SNTG1: variants seen among roughly 807,000 people sequenced by gnomAD.
The protein encoded by SNTG1 is syntrophin gamma 1, also known as gamma-1-syntrophin.
Under a neutral mutation model 74.7 loss-of-function variants are expected in SNTG1, and 39 were observed. The observed-to-expected ratio is 0.52, with a 90% CI of 0.40 to 0.68. The LOEUF (loss-of-function observed/expected upper bound fraction) is 0.68. Ranked by LOEUF, SNTG1 falls within the 30% of genes least tolerant of loss-of-function variation. The pLI, the probability that SNTG1 is intolerant of heterozygous loss-of-function variation, is 0.00. For synonymous variants in SNTG1, 254 were observed against 217.1 expected (o/e 1.17, Z -1.49); for missense variants, 685 against 609.5 (o/e 1.12, Z -1.30).
At chr8:50,164,092 C>CTTTTTTTTTTTTTTTTTT (rs3086088) in intron 1 of SNTG1, 22 of 71,998 alleles carry the variant, frequency 3.1e-4, no homozygotes, top group African/African-American at 7.7e-4. Flanking sequence ...GACACAATTT[C>CTTTTTTTTTTTTTTTTTT]TTTTTTTTTT....
chr8:50,761,515 G>A (rs528814368), intron 18 of SNTG1, among the ~76,000 whole-genome samples: 1 of 151,878 alleles, frequency 6.6e-6, no homozygotes, highest in South Asian at 2.1e-4. Flanking sequence ...GGTGAGTTAG[G>A]CTCTGATAAA....
At chr8:50,551,053 C>A (rs186087649) in intron 11 of SNTG1, among the ~76,000 whole-genome samples, 3 of 152,098 alleles carry the variant, frequency 2.0e-5, no homozygotes, top group East Asian at 3.9e-4. Flanking sequence ...ACCAATTATT[C>A]AGAAAATACT....
chr8:50,090,348 C>A (rs2079676240), intron 1 of SNTG1, among the ~76,000 whole-genome samples: 1 of 152,146 alleles, frequency 6.6e-6, no homozygotes, highest in South Asian at 2.1e-4. Flanking sequence ...ACTCAGAAGA[C>A]ATCCCTGGAT....
At chr8:50,249,461 C>T (rs963250466) in intron 2 of SNTG1, among the ~76,000 whole-genome samples, 2 of 152,330 alleles carry the variant, frequency 1.3e-5, no homozygotes, top group East Asian at 3.9e-4. Flanking sequence ...CTGCCCCTAG[C>T]TTGACAGCTT....
chr8:50,593,217 A>G (rs1299732594), intron 13 of SNTG1, among the ~76,000 whole-genome samples: 2 of 152,180 alleles, frequency 1.3e-5, no homozygotes, highest in Non-Finnish European at 2.9e-5. Flanking sequence ...AGAAATTAAA[A>G]TGAAAGCAAA....
chr8:50,510,713 A>T (rs2094062907), intron 9 of SNTG1, among the ~76,000 whole-genome samples: 1 of 152,116 alleles, frequency 6.6e-6, no homozygotes, highest in East Asian at 1.9e-4. Context: ...AGAGGTGTTT[A>T]TAATATTCTC....
rs557811619 is a variant in SNTG1 at position 50,519,233 on chromosome 8, G to C, written c.467-10944G>C. ...TAATTATCTCAATAGATGCAGAAAAGGCCTTCAATAAAACTCAACACCCTT... is the reference window on the plus strand; with the variant it reads ...TAATTATCTCAATAGATGCAGAAAACGCCTTCAATAAAACTCAACACCCTT... On this transcript the variant is annotated intron_variant, in intron 9 of 18. Transcript: ENST00000642720. 5.1e-4 allele frequency among the ~76,000 whole-genome samples: 78 copies of C among 152,198 alleles called. 2 individuals carry two copies. The South Asian group carries it at 0.015, about 30-fold the overall frequency.
chr8:50,459,618 C>A (rs987612674), intron 8 of SNTG1, among the ~76,000 whole-genome samples: 1 of 151,962 alleles, frequency 6.6e-6, no homozygotes, highest in East Asian at 1.9e-4. Flanking sequence ...ATGAAAGACC[C>A]GTCGCTCAGG....
At chr8:50,010,410 A>C (rs1815664155) in intron 1 of SNTG1, among the ~76,000 whole-genome samples, 2 of 152,160 alleles carry the variant, frequency 1.3e-5, no homozygotes, top group East Asian at 1.9e-4. Flanking sequence ...TAATTTTAAC[A>C]ATGAGATGCA....
intron 18 of SNTG1, among the ~76,000 whole-genome samples, chr8:50,780,321 T>A (rs528581214): frequency 6.6e-6 from 1 of 152,324 alleles, no homozygotes; most frequent in Admixed American, 6.5e-5. Flanking sequence ...CGGCTGTGAA[T>A]CCCTCTGGTC....
chr8:50,248,739 AAAGT>A (rs2086511098), intron 2 of SNTG1, among the ~76,000 whole-genome samples: 3 of 152,242 alleles, frequency 2.0e-5, no homozygotes, highest in Admixed American at 2.0e-4. Flanking sequence ...AAAAGAGAAC[AAAGT>A]AATTAGAGAG....
chr8:49,974,645 T>C (rs1812023390), intron 1 of SNTG1, among the ~76,000 whole-genome samples: 1 of 152,160 alleles, frequency 6.6e-6, no homozygotes, highest in Non-Finnish European at 1.5e-5. Context: ...GACTTTGTGG[T>C]TCCCTACATC....
chr8:50,701,784 C>G (rs1049142277), intron 15 of SNTG1, among the ~76,000 whole-genome samples: 4 of 140,012 alleles, frequency 2.9e-5, no homozygotes, highest in African/African-American at 1.1e-4. Context: ...TTCTCTTCCT[C>G]TTCCTCCTCC....
At chr8:50,292,316 T>C (rs17697265) in intron 2 of SNTG1, among the ~76,000 whole-genome samples, 10,503 of 151,986 alleles carry the variant, frequency 0.069, 406 homozygotes, top group African/African-American at 0.085. Context: ...GGGTAAGATA[T>C]GGAAAGAATG....
At chr8:49,916,612 A>T (rs1312777444) in intron 1 of SNTG1, among the ~76,000 whole-genome samples, 1 of 152,228 alleles carries the variant, frequency 6.6e-6, no homozygotes, top group Non-Finnish European at 1.5e-5. Context: ...TTTTTAAAAG[A>T]ATAAGTGCTT....
intron 1 of SNTG1, among the ~76,000 whole-genome samples, chr8:50,046,597 G>C (rs1168876533): frequency 6.6e-6 from 1 of 151,820 alleles, no homozygotes; most frequent in Non-Finnish European, 1.5e-5. Flanking sequence ...CCAAGACTTG[G>C]GCCAAGAGTA....
intron 2 of SNTG1, among the ~76,000 whole-genome samples, chr8:50,240,476 A>AT: frequency 6.6e-6 from 1 of 152,350 alleles, no homozygotes; most frequent in South Asian, 2.1e-4. Flanking sequence ...TTTACGAACC[A>AT]TCATGAATCC....
chr8:50,036,497 AG>A (rs1818178105), intron 1 of SNTG1, among the ~76,000 whole-genome samples: 1 of 152,134 alleles, frequency 6.6e-6, no homozygotes. Context: ...CCTCAGAAAT[AG>A]TTTTTCTATC....
intron 1 of SNTG1, among the ~76,000 whole-genome samples, chr8:50,079,097 T>C (rs1822161713): frequency 6.6e-6 from 1 of 152,204 alleles, no homozygotes; most frequent in Non-Finnish European, 1.5e-5. Context: ...GTGGGTCTAA[T>C]AGTATTTCTG....
Sources: allele counts gnomAD v4.1 joint callset (sites outside exome capture counted in the v4.1 genomes callset), GRCh38; gene constraint gnomAD v4.1.1; transcripts MANE v1.5; gene names NCBI Gene and HGNC (gene_info 2026-07-23, HGNC 2026-07-21).